Variants in NRG1 observed in about 807,000 individuals in gnomAD.
NRG1 encodes pro-neuregulin-1, membrane-bound isoform.
A neutral mutation model predicts 63.8 loss-of-function variants in NRG1; 18 were observed. The ratio of observed to expected loss-of-function variants is 0.28; its 90% CI spans 0.19 to 0.42. The LOEUF is 0.42. NRG1 is among the 10% of genes least tolerant of loss of function. The pLI is 1.00. For synonymous variants in NRG1, 302 were observed against 301.3 expected, an observed-to-expected ratio of 1.00 and a Z score of -0.02; for missense variants, 762 against 814.7, an observed-to-expected ratio of 0.94 and a Z score of 0.79.
chr8:32,360,597 C>T (rs1016126332), intron 1 of NRG1, among the ~76,000 whole-genome samples: 1 of 152,164 alleles, frequency 6.6e-6, no homozygotes, highest in African/African-American at 2.4e-5. Context: ...TGTCGTTTTA[C>T]AGAAATATTC....
intron 1 of NRG1, among the ~76,000 whole-genome samples, chr8:31,644,032 C>A (rs1804056071): frequency 6.6e-6 from 1 of 152,202 alleles, no homozygotes; most frequent in Admixed American, 6.5e-5. Flanking sequence ...ATAGCACTTG[C>A]TCTTTTTAAT....
At chr8:32,002,287 G>A (rs539743150) in intron 1 of NRG1, among the ~76,000 whole-genome samples, 1 of 152,000 alleles carries the variant, frequency 6.6e-6, no homozygotes, top group Non-Finnish European at 1.5e-5. Context: ...GCCTCCCAAA[G>A]TGCTGGGATT....
At chr8:31,989,054 G>A (rs1810573760) in intron 1 of NRG1, among the ~76,000 whole-genome samples, 1 of 151,588 alleles carries the variant, frequency 6.6e-6, no homozygotes, top group African/African-American at 2.4e-5. Flanking sequence ...TTTCAGACCA[G>A]CCTATCCAAC....
intron 1 of NRG1, among the ~76,000 whole-genome samples, chr8:31,669,313 C>G (rs1221581997): frequency 2.6e-5 from 4 of 151,944 alleles, no homozygotes. Context: ...TCTTGGCTCA[C>G]TGCAACCTCC....
chr8:32,107,122 G>A (rs1831382051), intron 1 of NRG1, among the ~76,000 whole-genome samples: 1 of 152,038 alleles, frequency 6.6e-6, no homozygotes, highest in African/African-American at 2.4e-5. Context: ...TGTAATCCCA[G>A]CTACTCAGGA....
chr8:32,504,653 C>T (rs1828313392), intron 1 of NRG1, among the ~76,000 whole-genome samples: 1 of 151,728 alleles, frequency 6.6e-6, no homozygotes, highest in Admixed American at 6.6e-5. Context: ...AGATTTTAGC[C>T]ACAGGTCAGG....
chr8:31,853,162 C>T (rs1827443171), intron 1 of NRG1, among the ~76,000 whole-genome samples: 1 of 152,030 alleles, frequency 6.6e-6, no homozygotes, highest in Non-Finnish European at 1.5e-5. Flanking sequence ...TCATTGATAG[C>T]TTGATGGGGA....
intron 5 of NRG1, among the ~76,000 whole-genome samples, chr8:32,697,328 G>A (rs1396674067): frequency 6.6e-6 from 1 of 152,158 alleles, no homozygotes; most frequent in East Asian, 1.9e-4. Context: ...AGATGCATGG[G>A]TAATTAGAGA....
chr8:32,593,803 T>C (rs1159347194), intron 1 of NRG1, among the ~76,000 whole-genome samples: 2 of 150,776 alleles, frequency 1.3e-5, no homozygotes, highest in African/African-American at 4.9e-5. Context: ...TGAACCACAT[T>C]TTAAAAAGAC....
At chr8:32,255,658 A>G (rs1849615516) in intron 1 of NRG1, among the ~76,000 whole-genome samples, 1 of 151,460 alleles carries the variant, frequency 6.6e-6, no homozygotes, top group Non-Finnish European at 1.5e-5. Context: ...CTTTATTTCA[A>G]CCTTGGTGAA....
intron 1 of NRG1, among the ~76,000 whole-genome samples, chr8:32,326,889 A>G (rs1290889846): frequency 3.3e-5 from 5 of 152,250 alleles, no homozygotes; most frequent in Admixed American, 6.5e-5. Context: ...TGCTCAAGCA[A>G]TATCTTTGAT....
At chr8:31,978,218 A>T (rs970221666) in intron 1 of NRG1, among the ~76,000 whole-genome samples, 3 of 152,118 alleles carry the variant, frequency 2.0e-5, no homozygotes, top group African/African-American at 2.4e-5. Flanking sequence ...GTTAGAAGGA[A>T]ACCCTTGTTA....
At chr8:32,660,800 T>C (rs529653762) in intron 5 of NRG1, among the ~76,000 whole-genome samples, 55 of 152,348 alleles carry the variant, frequency 3.6e-4, no homozygotes, top group Non-Finnish European at 7.1e-4. Flanking sequence ...GTGTTTGGAA[T>C]AGTCTCTGGC....
intron 5 of NRG1, among the ~76,000 whole-genome samples, chr8:32,631,047 G>A (rs796406523): frequency 1.3e-4 from 19 of 151,950 alleles, no homozygotes; most frequent in African/African-American, 4.3e-4. Flanking sequence ...TTCTAAACAG[G>A]GCAGACCATA....
At chr8:32,152,930 A>G (rs1266377851) in intron 1 of NRG1, among the ~76,000 whole-genome samples, 2 of 152,222 alleles carry the variant, frequency 1.3e-5, no homozygotes, top group Admixed American at 6.5e-5. Flanking sequence ...CAGGAACTCA[A>G]GTTTAGAGGC....
intron 1 of NRG1, among the ~76,000 whole-genome samples, chr8:32,102,605 A>T (rs1276499926): frequency 2.0e-5 from 3 of 152,184 alleles, no homozygotes; most frequent in African/African-American, 7.2e-5. Context: ...AAAAGAATTG[A>T]TGTGCATTAT....
exon 1 of NRG1, chr8:32,548,714 C>T (rs1288112909): frequency 1.3e-6 from 2 of 1,570,150 alleles, no homozygotes; most frequent in South Asian, 1.2e-5. Flanking sequence ...TAGAGCGCTC[C>T]GTCTCCGGCG....
chr8:32,294,006 C>G (rs1251004268), intron 1 of NRG1, among the ~76,000 whole-genome samples: 2 of 152,152 alleles, frequency 1.3e-5, no homozygotes, highest in Admixed American at 6.5e-5. Context: ...GCATGAGCTA[C>G]AGTGCACAGC....
intron 1 of NRG1, among the ~76,000 whole-genome samples, chr8:32,262,965 A>C (rs929938445): frequency 6.6e-6 from 1 of 152,136 alleles, no homozygotes; most frequent in Non-Finnish European, 1.5e-5. Flanking sequence ...ATAATAAAAA[A>C]TATTAAGCTT....
Sources: allele counts gnomAD v4.1 joint callset (sites outside exome capture counted in the v4.1 genomes callset), GRCh38; gene constraint gnomAD v4.1.1; transcripts MANE v1.5; gene names NCBI Gene and HGNC (gene_info 2026-07-23, HGNC 2026-07-21).